LRCOL1: variants seen among roughly 807,000 people sequenced by gnomAD.
LRCOL1 encodes leucine-rich colipase-like protein 1.
A neutral mutation model predicts 21.6 loss-of-function variants in LRCOL1; 21 were observed. The ratio of observed to expected loss-of-function variants is 0.97; its 90% confidence interval spans 0.69 to 1.40. The LOEUF (loss-of-function observed/expected upper bound fraction) is 1.40, where lower values mean the gene tolerates loss of function less well. Among genes scored for constraint, LRCOL1 ranks in the 40% most tolerant of loss-of-function variants. The pLI is 0.00. For synonymous variants in LRCOL1, 98 were observed against 90.1 expected (o/e 1.09, Z -0.49); for missense variants, 198 against 202.3 (o/e 0.98, Z 0.13).
At chr12:132,608,057 T>G (rs944223789) in intron 1 of LRCOL1, among the ~76,000 whole-genome samples, 4 of 152,104 alleles carry the variant, frequency 2.6e-5, no homozygotes, top group Admixed American at 6.6e-5. Flanking sequence ...TCCCCTTGAT[T>G]ATTATTTTTC....
At chr12:132,605,040 G>A (rs2041286449) in intron 2 of LRCOL1, 3 of 1,397,764 alleles carry the variant, frequency 2.1e-6, no homozygotes, top group Non-Finnish European at 2.8e-6. Flanking sequence ...AATGTCTACT[G>A]TGAGCCACGT....
rs773963693 is a variant in LRCOL1, at chr12:132,604,501, C to T, written c.315G>A (p.Thr105=). ...CACACTGCAGGAAGACGCTTTGGGG[C>T]GTGCACAACTCCTGCGGGCTGTTGT... ...VRNNSPQELC[T]PQSVFLQCVP... The change falls in exon 4 of 6, where the codon ACG becomes ACA. Residue 105 remains threonine (T), a synonymous_variant. Transcript: ENST00000376608. 1.2e-5 allele frequency: 18 copies of T among 1,535,956 alleles called. No individual in the cohort carries two copies. The highest frequency in any genetic ancestry group is 4.1e-5 in the African/African-American group (3 of 73,018).
chr12:132,607,771 CTCTT>C (rs2041328984), intron 1 of LRCOL1, among the ~76,000 whole-genome samples: 1 of 151,340 alleles, frequency 6.6e-6, no homozygotes, highest in East Asian at 1.9e-4. Context: ...GTCTCTCCCT[CTCTT>C]TCTCTGCCTC....
At position 132,606,039 on chromosome 12, in the gene LRCOL1, A is replaced by G. The variant is rs2041304077; in HGVS notation, c.105+108T>C. The stretch of plus-strand genomic sequence containing the variant: ...GTCCCTTTGAGACCCTCCTGACGGA[A>G]AGTGGCAGCCCTCGCGGGTGGGGAC... On this transcript the variant is annotated intron_variant, in intron 2 of 5. Transcript: ENST00000376608. This position sits in a 1 kb window ranked among gnomAD's most constrained non-coding sequence, Gnocchi z 4.6. 1.4e-5 allele frequency: 14 copies of G among 1,010,706 alleles called. No homozygotes were observed. The highest frequency in any genetic ancestry group is 1.6e-5 in the African/African-American group (1 of 62,126). The allele number at this position is 1,010,706 out of a possible 1,614,324, so 62.6% of individuals were successfully genotyped here.
intron 1 of LRCOL1, among the ~76,000 whole-genome samples, chr12:132,609,222 C>T (rs1190182004): frequency 6.6e-6 from 1 of 152,188 alleles, no homozygotes; most frequent in Non-Finnish European, 1.5e-5. Flanking sequence ...CGTGTGAGGT[C>T]TCCAGAGTCG....
intron 5 of LRCOL1, 196 bp from the exon 6 acceptor site, chr12:132,603,600 T>A: frequency 1.0e-6 from 1 of 984,280 alleles, no homozygotes; most frequent in Non-Finnish European, 1.2e-6. Flanking sequence ...CCGGAGCTGC[T>A]CCCAGCGCCC....
intron 3 of LRCOL1, 46 bp from the exon 4 acceptor site, chr12:132,604,630 C>G (rs1490826312): frequency 4.6e-6 from 7 of 1,526,286 alleles, no homozygotes; most frequent in Non-Finnish European, 6.1e-6. Flanking sequence ...CATCCACTCC[C>G]TGGCTCTTCA....
At chr12:132,605,279 G>T in intron 2 of LRCOL1, 1 of 254,696 alleles carries the variant, frequency 3.9e-6, no homozygotes, top group Non-Finnish European at 6.2e-6. Context: ...AGGTGCTGCT[G>T]TGTGCGCGAC....
intron 2 of LRCOL1, chr12:132,605,874 G>T: frequency 2.1e-6 from 1 of 478,396 alleles, no homozygotes; most frequent in Non-Finnish European, 3.7e-6. Context: ...GTTGACGGTG[G>T]CCGTGGTGGC....
intron 1 of LRCOL1, among the ~76,000 whole-genome samples, chr12:132,609,367 G>C (rs765686390): frequency 3.9e-5 from 6 of 152,342 alleles, no homozygotes; most frequent in Middle Eastern, 3.4e-3. Flanking sequence ...ACGGCAACGT[G>C]AATGTGCTTC....
chr12:132,607,102 C>T (rs930737576), intron 1 of LRCOL1, among the ~76,000 whole-genome samples: 5 of 152,196 alleles, frequency 3.3e-5, no homozygotes, highest in African/African-American at 7.2e-5. Flanking sequence ...CATTGCCCTG[C>T]GTGTGGTCAG....
In LRCOL1 at chr12:132,606,148, T is replaced by A. The variant is rs1335958864; in HGVS notation, c.104A>T (p.Lys35Met). 1 of 1,536,092 alleles carries A rather than the reference T, an allele frequency of 6.5e-7. No individual in the cohort carries two copies. Among genetic ancestry groups the A allele is most frequent in the African/African-American group, 1.4e-5 (1 of 73,046 alleles). The stretch of plus-strand genomic sequence containing the variant: ...GCATCAGGGGTGCCCGGCACCCACC[T>A]TATGGGACAGGTTCAACTTCTTCTG... ...GPQKKLNLSH[K>M]GIGEPCRRHE... The change falls in exon 2 of 6, where the codon AAG (lysine) becomes ATG (methionine). Residue 35 changes from lysine to methionine, a missense_variant and splice_region_variant. Lys to Met is a moderately conservative substitution (Grantham distance 95). Transcript: ENST00000376608. This position sits in a 1 kb window ranked among gnomAD's most constrained non-coding sequence, Gnocchi z 4.6.
intron 5 of LRCOL1, chr12:132,603,979 C>A (rs2041263741): frequency 1.5e-6 from 2 of 1,317,030 alleles, no homozygotes; most frequent in African/African-American, 3.0e-5. Context: ...GGTCCTGGGT[C>A]CCCCTCCCCG....
chr12:132,607,999 GTCTCTGTCTC>G (rs2041334656), intron 1 of LRCOL1, among the ~76,000 whole-genome samples: 3 of 149,474 alleles, frequency 2.0e-5, no homozygotes, highest in South Asian at 2.1e-4. Context: ...GTCTCTCTCT[GTCTCTGTCTC>G]TCTCTGTCTC....
chr12:132,609,488 G>A (rs2323969), intron 1 of LRCOL1, among the ~76,000 whole-genome samples: 64,007 of 152,024 alleles, frequency 0.42, 13,788 homozygotes, highest in East Asian at 0.64. Context: ...ACCTGAGGTC[G>A]GGAGTTCAAA....
chr12:132,608,831 C>A (rs1339125030), intron 1 of LRCOL1, among the ~76,000 whole-genome samples: 1 of 152,170 alleles, frequency 6.6e-6, no homozygotes. Flanking sequence ...TACTTGGAAC[C>A]AGGAAAAATT....
chr12:132,605,316 G>A (rs2041292239), intron 2 of LRCOL1, among the ~76,000 whole-genome samples: 2 of 152,226 alleles, frequency 1.3e-5, no homozygotes, highest in Admixed American at 1.3e-4. Flanking sequence ...TCAGAGTGTT[G>A]TGGATGAGGC....
chr12:132,603,562 AG>A (rs2041255101), intron 5 of LRCOL1, 158 bp from the exon 6 acceptor site: 1 of 985,214 alleles, frequency 1.0e-6, no homozygotes, highest in South Asian at 4.7e-5. Context: ...AGCTCGCGAG[AG>A]GGACGCCCAC....
At position 132,604,482 on chromosome 12, in the gene LRCOL1, G is replaced by A. The variant is rs1411627127; in HGVS notation, c.334C>T (p.Gln112Ter). 3 of 1,536,076 alleles carry A rather than the reference G, an allele frequency of 2.0e-6. No homozygotes were observed. Among genetic ancestry groups the A allele is most frequent in the Admixed American group, 3.9e-5 (2 of 51,000 alleles). Residue 112 changes from glutamine to a stop codon, truncating the protein, a stop_gained, in exon 4 of 6, where the codon CAG becomes TAG. Coordinates refer to ENST00000376608, the MANE Select transcript of LRCOL1 (RefSeq NM_001195520.2). LOFTEE classifies it high-confidence loss of function. ...ELCTPQSVFL[Q>*]CVPWRKPNGD... ...CTCACCTTGCGCCAGGGCACACACT[G>A]CAGGAAGACGCTTTGGGGCGTGCAC...
Sources: allele counts gnomAD v4.1 joint callset (sites outside exome capture counted in the v4.1 genomes callset), GRCh38; gene constraint gnomAD v4.1.1; non-coding constraint Gnocchi (gnomAD v3.1); transcripts MANE v1.5; gene names NCBI Gene and HGNC (gene_info 2026-07-23, HGNC 2026-07-21).